Variants in GOSR1 observed in about 807,000 individuals in gnomAD.
The protein encoded by GOSR1 is 28 kDa Golgi SNARE protein.
Under a neutral mutation model 35.5 loss-of-function variants are expected in GOSR1, and 21 were observed. The ratio of observed to expected loss-of-function variants is 0.59; its 90% CI spans 0.42 to 0.85. The LOEUF (loss-of-function observed/expected upper bound fraction) is 0.85, where lower values mean the gene tolerates loss of function less well. GOSR1 is among the 40% of genes least tolerant of loss of function. GOSR1 has a pLI of 0.00. For synonymous variants in GOSR1, 94 were observed against 106.6 expected, an observed-to-expected ratio of 0.88 and a Z score of 0.73; for missense variants, 285 against 309.6, an observed-to-expected ratio of 0.92 and a Z score of 0.60.
At chr17:30,501,390 G>A (rs1009257295) in intron 6 of GOSR1, among the ~76,000 whole-genome samples, 1 of 152,144 alleles carries the variant, frequency 6.6e-6, no homozygotes, top group Non-Finnish European at 1.5e-5. Flanking sequence ...GACAACATTA[G>A]AAGGAACACT....
rs1881800950 is a variant in GOSR1, at chr17:30,526,836, T to C, written c.*4458T>C. 1 of 152,552 alleles carries C rather than the reference T, an allele frequency of 6.6e-6. No homozygotes were observed. Among genetic ancestry groups the C allele is most frequent in the African/African-American group, 2.4e-5 (1 of 41,470 alleles). The allele number at this position is 152,552 out of a possible 1,614,324, so 9.4% of individuals were successfully genotyped here. ...ATGATTGCATTTGTAATTGTTTATA[T>C]TGAAACAGTAACCATCAAGGTAGTT... On this transcript the variant is annotated 3_prime_UTR_variant, in exon 9 of 9. Transcript: ENST00000451249.
rs756910083 is a variant in GOSR1, at chr17:30,481,238, C to T, written c.127C>T (p.Arg43Ter). The change falls in exon 2 of 9, where the codon CGA becomes TGA. Residue 43 changes from arginine to a stop codon, truncating the protein, a stop_gained. Coordinates refer to ENST00000451249, the MANE Select transcript of GOSR1 (RefSeq NM_001007025.2). LOFTEE classifies it high-confidence loss of function. ...TACAAGTTACAGTCATAGCAGTACC[C>T]GAGATGGAAGACGCGACAGGTATAG... ...LCTSYSHSST[R>*]DGRRDSSDTT... The T allele has an allele frequency of 3.7e-6, 6 of 1,607,214 alleles. No homozygotes were observed. The highest frequency in any genetic ancestry group is 5.1e-6 in the Non-Finnish European group (6 of 1,173,808).
At position 30,524,560 on chromosome 17, in the gene GOSR1, G is replaced by T. The variant is rs9906801; in HGVS notation, c.*2182G>T. 6.6e-6 allele frequency: 1 copy of T among 151,766 alleles called. No individual in the cohort carries two copies. 9.4% of individuals were successfully genotyped at this position (151,766 alleles called of 1,614,324 possible). ...CATTTTTTTTTTAATTCTTCCCTTG[G>T]ATTAATATTTTCTACTGAAAAGAAA... On this transcript the variant is annotated 3_prime_UTR_variant, in exon 9 of 9. Coordinates refer to ENST00000451249, the MANE Select transcript of GOSR1 (RefSeq NM_001007025.2).
At chr17:30,483,412 T>C (rs550304632) in intron 2 of GOSR1, among the ~76,000 whole-genome samples, 16 of 152,228 alleles carry the variant, frequency 1.1e-4, no homozygotes, top group Non-Finnish European at 2.2e-4. Context: ...CATATATCTA[T>C]GAATAAGACA....
At chr17:30,481,608 A>C (rs1407692463) in intron 2 of GOSR1, among the ~76,000 whole-genome samples, 1 of 152,180 alleles carries the variant, frequency 6.6e-6, no homozygotes. Context: ...CAATTGCTAA[A>C]TGGACCTGTG....
chr17:30,483,637 T>C (rs1914492341), intron 2 of GOSR1, among the ~76,000 whole-genome samples: 1 of 152,230 alleles, frequency 6.6e-6, no homozygotes, highest in Admixed American at 6.5e-5. Context: ...GTGTCCAGTA[T>C]AACTCTGATC....
At chr17:30,496,906 T>A (rs1289752807) in intron 6 of GOSR1, among the ~76,000 whole-genome samples, 2 of 152,210 alleles carry the variant, frequency 1.3e-5, no homozygotes, top group African/African-American at 4.8e-5. Flanking sequence ...TACTCTCTGA[T>A]TTATGGGCAT....
intron 1 of GOSR1, chr17:30,479,270 T>C (rs927164760): frequency 1.3e-5 from 2 of 152,232 alleles, no homozygotes; most frequent in African/African-American, 4.8e-5. Context: ...GCCCTTTTAT[T>C]TTAACCTTCA....
intron 4 of GOSR1, among the ~76,000 whole-genome samples, chr17:30,485,757 C>T (rs952072291): frequency 1.6e-4 from 25 of 152,124 alleles, no homozygotes; most frequent in African/African-American, 6.0e-4. Flanking sequence ...CGCAGTGGCT[C>T]GTGCCTGTAA....
intron 6 of GOSR1, chr17:30,495,663 TTGTC>T (rs1236200135): frequency 4.3e-5 from 12 of 279,580 alleles, no homozygotes; most frequent in African/African-American, 2.4e-4. Flanking sequence ...TCTCATGAGT[TTGTC>T]TGTATTTTTC....
intron 6 of GOSR1, among the ~76,000 whole-genome samples, chr17:30,500,730 A>C (rs1967171745): frequency 6.6e-6 from 1 of 152,190 alleles, no homozygotes; most frequent in Non-Finnish European, 1.5e-5. Flanking sequence ...ACTTCCATAT[A>C]AATTTTAATA....
intron 6 of GOSR1, among the ~76,000 whole-genome samples, chr17:30,503,613 T>C (rs547478956): frequency 6.6e-6 from 1 of 152,358 alleles, no homozygotes; most frequent in South Asian, 2.1e-4. Context: ...ATGAATGGTG[T>C]TTGTTTACTT....
chr17:30,493,643 T>C (rs1966887294), intron 6 of GOSR1, among the ~76,000 whole-genome samples: 1 of 152,176 alleles, frequency 6.6e-6, no homozygotes, highest in Non-Finnish European at 1.5e-5. Context: ...AAAAGCTAAA[T>C]GCCTTTCATA....
intron 1 of GOSR1, 98 bp from the exon 2 acceptor site, chr17:30,481,045 A>G (rs1473571542): frequency 2.5e-6 from 2 of 789,248 alleles, no homozygotes; most frequent in Non-Finnish European, 4.4e-6. Context: ...CAAGATCAGT[A>G]TATGATCATT....
At chr17:30,500,491 C>G (rs962940104) in intron 6 of GOSR1, among the ~76,000 whole-genome samples, 1 of 151,992 alleles carries the variant, frequency 6.6e-6, no homozygotes, top group East Asian at 1.9e-4. Context: ...GACTCTTTTC[C>G]TCTGTTTAAT....
Position 30,514,217 on chromosome 17 carries a change from G to A in GOSR1, c.539+3308G>A, listed in dbSNP as rs367816070. 6.7e-4 allele frequency among the ~76,000 whole-genome samples: 102 copies of A among 152,240 alleles called. 1 individual carries two copies. In the South Asian group the frequency reaches 7.3e-3, roughly 11 times the overall value. Reference sequence around the variant, plus strand: ...TTCAGTGTATTGTGTGGTTGACATCGCTCCCTCCTTCTGCTCTAATCTTGA... The same window carrying A: ...TTCAGTGTATTGTGTGGTTGACATCACTCCCTCCTTCTGCTCTAATCTTGA... On this transcript the variant is annotated intron_variant, in intron 7 of 8. Coordinates refer to ENST00000451249, the MANE Select transcript of GOSR1 (RefSeq NM_001007025.2).
intron 6 of GOSR1, among the ~76,000 whole-genome samples, chr17:30,504,210 A>T (rs1421266798): frequency 2.0e-5 from 3 of 152,014 alleles, no homozygotes; most frequent in Non-Finnish European, 2.9e-5. Flanking sequence ...TATTTTTAGT[A>T]GGGACAAGGT....
intron 6 of GOSR1, among the ~76,000 whole-genome samples, chr17:30,500,303 CTTTT>C (rs1187671818): frequency 6.6e-6 from 1 of 151,914 alleles, no homozygotes; most frequent in African/African-American, 2.4e-5. Context: ...TTAGTTTTAG[CTTTT>C]TTGTTTGTTT....
At chr17:30,501,599 C>T (rs1218356805) in intron 6 of GOSR1, among the ~76,000 whole-genome samples, 1 of 151,852 alleles carries the variant, frequency 6.6e-6, no homozygotes, top group Non-Finnish European at 1.5e-5. Context: ...CGGGTTTAAG[C>T]AGTTTTCTGC....
Sources: allele counts gnomAD v4.1 joint callset (sites outside exome capture counted in the v4.1 genomes callset), GRCh38; gene constraint gnomAD v4.1.1; transcripts MANE v1.5; gene names NCBI Gene and HGNC (gene_info 2026-07-23, HGNC 2026-07-21).